The following VPS13B variants were observed in gnomAD, a reference collection of about 807,000 sequenced individuals.
VPS13B encodes intermembrane lipid transfer protein VPS13B.
Under a neutral mutation model 426.4 loss-of-function variants are expected in VPS13B, and 285 were observed. The observed-to-expected ratio is 0.67, with a 90% CI of 0.61 to 0.74. The LOEUF is 0.74. Among genes scored for constraint, VPS13B ranks in the 30% least tolerant of loss-of-function variants. VPS13B has a pLI of 0.00. For missense variants in VPS13B, 4,537 were observed against 4,782.6 expected (o/e 0.95, Z 1.51); for synonymous variants, 1,676 against 1,676.4 (o/e 1.00, Z 0.01).
At position 99,876,616 on chromosome 8, in the gene VPS13B, TGACTTGACAAA is replaced by T. The variant is rs1286329424; in HGVS notation, c.*952_*962del. 1.3e-5 allele frequency: 2 copies of T among 152,216 alleles called. No homozygotes were observed. Among genetic ancestry groups the T allele is most frequent in the African/African-American group, 4.8e-5 (2 of 41,466 alleles). 9.4% of individuals were successfully genotyped at this position (152,216 alleles called of 1,614,324 possible). A position where few individuals can be genotyped will look rare whatever the true frequency, so the allele number is the denominator to read the frequency against. On this transcript the variant is annotated 3_prime_UTR_variant, in exon 62 of 62. Coordinates refer to ENST00000357162, the MANE Select transcript of VPS13B (RefSeq NM_152564.5). ...GTCCATTTTGTTTATTCTGTGGAAT[TGACTTGACAAA>T]GCATGAAGATATTCCCAGTGTCTGT... is the stretch of plus-strand genomic sequence containing the variant.
At chr8:99,391,872 T>C (rs1336330491) in intron 21 of VPS13B, among the ~76,000 whole-genome samples, 168 bp downstream of exon 21, 2 of 152,238 alleles carry the variant, frequency 1.3e-5, no homozygotes, top group African/African-American at 2.4e-5. Context: ...TAGCATTTTT[T>C]TGTGTTAGTG....
At chr8:99,833,438 A>C (rs1004414931) in intron 52 of VPS13B, among the ~76,000 whole-genome samples, 2 of 152,252 alleles carry the variant, frequency 1.3e-5, no homozygotes, top group Non-Finnish European at 2.9e-5. Flanking sequence ...TAGCAATGCT[A>C]ACTCTTTTGA....
At chr8:99,164,850 C>G (rs1030256270) in intron 15 of VPS13B, among the ~76,000 whole-genome samples, 1 of 152,024 alleles carries the variant, frequency 6.6e-6, no homozygotes, top group East Asian at 1.9e-4. Context: ...CTCTCTCTGT[C>G]TTTTTGACTT....
rs369907855 is a variant in VPS13B, at chr8:99,168,176, A to G, written c.2209-1863A>G. Among the ~76,000 whole-genome samples the G allele has an allele frequency of 4.6e-5, 7 of 152,280 alleles. No individual in the cohort carries two copies. The East Asian group carries it at 5.8e-4, about 13-fold the overall frequency. On this transcript the variant is annotated intron_variant, in intron 15 of 61. Coordinates refer to ENST00000357162, the MANE Select transcript of VPS13B (RefSeq NM_152564.5). ...TTAGAAGGTAACTTCTTTGTCCAGT[A>G]GGTCCTGTTTTATTGTAATTTTCAC...
chr8:99,214,562 T>A (rs1281515207), intron 17 of VPS13B, among the ~76,000 whole-genome samples: 4 of 152,196 alleles, frequency 2.6e-5, no homozygotes, highest in African/African-American at 9.6e-5. Flanking sequence ...TTTGTTAACG[T>A]GTCTCATCCA....
chr8:99,106,035 A>C (rs1233538424), intron 5 of VPS13B, among the ~76,000 whole-genome samples: 1 of 151,908 alleles, frequency 6.6e-6, no homozygotes, highest in East Asian at 1.9e-4. Context: ...TAACCCTTTA[A>C]CTCTCTGAGG....
chr8:99,416,792 T>C (rs1816040815), intron 21 of VPS13B, among the ~76,000 whole-genome samples: 1 of 152,036 alleles, frequency 6.6e-6, no homozygotes, highest in Non-Finnish European at 1.5e-5. Context: ...GAATCTCACT[T>C]AGAAATGCAG....
intron 17 of VPS13B, among the ~76,000 whole-genome samples, chr8:99,208,009 G>A (rs1422970533): frequency 1.3e-5 from 2 of 152,144 alleles, no homozygotes; most frequent in Non-Finnish European, 2.9e-5. Flanking sequence ...TGAAGAAAGG[G>A]ACTCTTATTT....
chr8:99,277,483 G>T (rs1202373938), intron 19 of VPS13B, among the ~76,000 whole-genome samples: 1 of 152,002 alleles, frequency 6.6e-6, no homozygotes, highest in Admixed American at 6.6e-5. Context: ...TTTAATTTGG[G>T]TGTATATGTA....
chr8:99,296,953 C>G (rs186248547), intron 19 of VPS13B, among the ~76,000 whole-genome samples: 1 of 151,972 alleles, frequency 6.6e-6, no homozygotes, highest in East Asian at 1.9e-4. Flanking sequence ...CATAGCAGCA[C>G]AAATGAACTA....
chr8:99,387,941 G>T (rs187954411), intron 20 of VPS13B, among the ~76,000 whole-genome samples: 1 of 152,196 alleles, frequency 6.6e-6, no homozygotes, highest in Non-Finnish European at 1.5e-5. Flanking sequence ...AAGGAATACT[G>T]TGTAAGCCTG....
In VPS13B at chr8:99,569,447, G is replaced by GA. The variant is rs372498776; in HGVS notation, c.4950-6198dup. Among the ~76,000 whole-genome samples, 283 of 135,034 alleles carry GA rather than the reference G, an allele frequency of 2.1e-3. 3 individuals carry two copies. The highest frequency in any genetic ancestry group is 3.0e-3 in the Admixed American group (41 of 13,526). 88.6% of individuals were successfully genotyped at this position (135,034 alleles called of 152,430 possible). A position where few individuals can be genotyped will look rare whatever the true frequency, so the allele number is the denominator to read the frequency against. On this transcript the variant is annotated intron_variant, in intron 31 of 61. Transcript: ENST00000357162. ...GAGACCCTTTCTCATACACAAAAGG[G>GA]AAAAAAAAAAAAAGAAAAAAGAATT... is the stretch of plus-strand genomic sequence containing the variant.
In VPS13B at chr8:99,391,647, C is replaced by T. The variant is rs2133312718; in HGVS notation, c.3025C>T (p.Gln1009Ter). Reference sequence around the variant, plus strand: ...TGGAAGTGCCCCCTTGGCAAAGCAGCAATCATATCAGGCCTCTGAATATGC... The same window carrying T: ...TGGAAGTGCCCCCTTGGCAAAGCAGTAATCATATCAGGCCTCTGAATATGC... ...SIGSAPLAKQQSYQASEYASS... is the reference protein window; with the variant it reads ...SIGSAPLAKQ The change falls in exon 21 of 62, where the codon CAA (glutamine) becomes TAA (stop). Residue 1009 changes from glutamine to a stop codon, truncating the protein, a stop_gained. Transcript: ENST00000357162. LOFTEE classifies it high-confidence loss of function. 6.2e-7 allele frequency: 1 copy of T among 1,614,166 alleles called. No homozygotes were observed. The highest frequency in any genetic ancestry group is 8.5e-7 in the Non-Finnish European group (1 of 1,180,028).
intron 19 of VPS13B, among the ~76,000 whole-genome samples, chr8:99,369,611 C>T (rs905429093): frequency 6.6e-6 from 1 of 152,112 alleles, no homozygotes; most frequent in East Asian, 1.9e-4. Context: ...TTGAGAGTAT[C>T]ATCTACTTTG....
intron 10 of VPS13B, 89 bp downstream of exon 10, chr8:99,135,226 A>G (rs1810012776): frequency 1.9e-6 from 3 of 1,540,144 alleles, no homozygotes; most frequent in Admixed American, 1.8e-5. Flanking sequence ...TATCTGTTAG[A>G]CTATATATAT....
intron 36 of VPS13B, among the ~76,000 whole-genome samples, chr8:99,701,607 A>G (rs756560477): frequency 6.6e-6 from 1 of 152,132 alleles, no homozygotes; most frequent in Non-Finnish European, 1.5e-5. Flanking sequence ...TCCTTTTACA[A>G]TGCTGTTCTT....
intron 23 of VPS13B, among the ~76,000 whole-genome samples, chr8:99,456,652 A>C (rs1268518426): frequency 6.6e-6 from 1 of 152,144 alleles, no homozygotes; most frequent in African/African-American, 2.4e-5. Flanking sequence ...AATGTATCCC[A>C]TTTGGTCATA....
chr8:99,256,548 C>T (rs758915115), intron 17 of VPS13B, among the ~76,000 whole-genome samples: 2 of 152,084 alleles, frequency 1.3e-5, no homozygotes, highest in Admixed American at 1.3e-4. Context: ...TCCTGGATAT[C>T]ATCTGTTATT....
intron 14 of VPS13B, among the ~76,000 whole-genome samples, chr8:99,151,204 T>G (rs1316686883): frequency 6.6e-6 from 1 of 152,240 alleles, no homozygotes; most frequent in Non-Finnish European, 1.5e-5. Context: ...TCAGATCTAT[T>G]GCCCATTTTT....
Sources: allele counts gnomAD v4.1 joint callset (sites outside exome capture counted in the v4.1 genomes callset), GRCh38; gene constraint gnomAD v4.1.1; transcripts MANE v1.5; gene names NCBI Gene and HGNC (gene_info 2026-07-23, HGNC 2026-07-21).